MARCHF8: variants seen among roughly 807,000 people sequenced by gnomAD.
The protein encoded by MARCHF8 is membrane associated ring-CH-type finger 8.
Under a neutral mutation model 51.6 loss-of-function variants are expected in MARCHF8, and 40 were observed. The ratio of observed to expected loss-of-function variants is 0.77; its 90% CI spans 0.60 to 1.01. The LOEUF (loss-of-function observed/expected upper bound fraction) is 1.01, where lower values mean the gene tolerates loss of function less well. Among genes scored for constraint, MARCHF8 ranks in the 50% least tolerant of loss-of-function variants. The probability of loss-of-function intolerance (pLI) is 0.00; values close to 1 mark genes in which losing one functional copy is unlikely to be tolerated. For missense variants in MARCHF8, 685 were observed against 708.6 expected, an observed-to-expected ratio of 0.97 and a Z score of 0.38; for synonymous variants, 263 against 280.3, an observed-to-expected ratio of 0.94 and a Z score of 0.62.
At chr10:45,575,918 C>A (rs977395795) in intron 1 of MARCHF8, among the ~76,000 whole-genome samples, 23 of 152,136 alleles carry the variant, frequency 1.5e-4, no homozygotes, top group Non-Finnish European at 2.9e-5. Context: ...AAAGAACAAC[C>A]CGCTTTGACT....
At chr10:45,503,638 T>C (rs2043325091) in intron 2 of MARCHF8, among the ~76,000 whole-genome samples, 1 of 151,976 alleles carries the variant, frequency 6.6e-6, no homozygotes, top group African/African-American at 2.4e-5. Flanking sequence ...GTTTCATTGA[T>C]ACAGGTAGTG....
chr10:45,540,286 C>G (rs940626403), upstream of MARCHF8, among the ~76,000 whole-genome samples: 6 of 152,190 alleles, frequency 3.9e-5, no homozygotes, highest in African/African-American at 1.4e-4. Flanking sequence ...CATCACACTA[C>G]CTGACTTCAA....
chr10:45,461,745 A>C, intron 5 of MARCHF8: 1 of 179,404 alleles, frequency 5.6e-6, no homozygotes. Flanking sequence ...AGAACATAAG[A>C]TGGTAAAATA....
intron 1 of MARCHF8, among the ~76,000 whole-genome samples, chr10:45,551,837 C>T (rs2133340358): frequency 7.0e-6 from 1 of 143,188 alleles, no homozygotes; most frequent in South Asian, 2.1e-4. Context: ...ATAGGTATAT[C>T]TGTACACACA....
intron 5 of MARCHF8, among the ~76,000 whole-genome samples, chr10:45,462,680 C>A (rs1842828551): frequency 6.6e-6 from 1 of 151,018 alleles, no homozygotes; most frequent in African/African-American, 2.4e-5. Flanking sequence ...GGCTGGAGTG[C>A]AATGGCGCAA....
chr10:45,592,282 G>A (rs1231767714), intron 1 of MARCHF8, among the ~76,000 whole-genome samples: 1 of 152,142 alleles, frequency 6.6e-6, no homozygotes, highest in Admixed American at 6.5e-5. Context: ...ACAACAGTCA[G>A]ATAAAATATA....
chr10:45,505,265 T>C (rs2043358858), intron 2 of MARCHF8, among the ~76,000 whole-genome samples: 1 of 152,166 alleles, frequency 6.6e-6, no homozygotes, highest in South Asian at 2.1e-4. Flanking sequence ...CAGCATTGAC[T>C]TTCAGTAGGA....
At chr10:45,548,793 G>A (rs1031051443) in intron 1 of MARCHF8, among the ~76,000 whole-genome samples, 2 of 151,900 alleles carry the variant, frequency 1.3e-5, no homozygotes, top group African/African-American at 2.4e-5. Flanking sequence ...TCAGGAGTTC[G>A]TGACCAGCCT....
upstream of MARCHF8, among the ~76,000 whole-genome samples, chr10:45,539,696 A>G (rs1024324041): frequency 2.6e-5 from 4 of 152,220 alleles, no homozygotes; most frequent in Non-Finnish European, 5.9e-5. Context: ...AAACACCTCT[A>G]TGCAAATAAA....
At chr10:45,568,505 G>T (rs1414629267) in intron 1 of MARCHF8, among the ~76,000 whole-genome samples, 2 of 152,062 alleles carry the variant, frequency 1.3e-5, no homozygotes, top group African/African-American at 2.4e-5. Context: ...CAGATCACGA[G>T]GTCAAGAGAT....
intron 2 of MARCHF8, among the ~76,000 whole-genome samples, chr10:45,501,459 G>A (rs1436698454): frequency 6.6e-6 from 1 of 152,094 alleles, no homozygotes; most frequent in Middle Eastern, 3.2e-3. Context: ...ACAAAGCAAT[G>A]AACTTTGACT....
chr10:45,530,598 A>G (rs1450901486), intron 2 of MARCHF8, among the ~76,000 whole-genome samples: 1 of 152,146 alleles, frequency 6.6e-6, no homozygotes, highest in Non-Finnish European at 1.5e-5. Flanking sequence ...CCTGGGCAAT[A>G]GCAAGACCCC....
chr10:45,530,502 C>A (rs1001078319), intron 2 of MARCHF8, among the ~76,000 whole-genome samples: 4 of 152,140 alleles, frequency 2.6e-5, no homozygotes, highest in Non-Finnish European at 5.9e-5. Flanking sequence ...TGAAACTGGG[C>A]CAGGTGCAGT....
chr10:45,585,469 A>G (rs1372185951), intron 1 of MARCHF8, among the ~76,000 whole-genome samples: 1 of 152,248 alleles, frequency 6.6e-6, no homozygotes, highest in Admixed American at 6.5e-5. Flanking sequence ...AAAAAAGCAA[A>G]TGAAAGAAGT....
chr10:45,459,293 G>C (rs781700601), intron 6 of MARCHF8, 26 bp from the exon 7 acceptor site: 1 of 1,610,328 alleles, frequency 6.2e-7, no homozygotes, highest in South Asian at 1.1e-5. Context: ...AGAGTGTGAG[G>C]CTCAGGCTTC....
intron 1 of MARCHF8, among the ~76,000 whole-genome samples, chr10:45,566,592 A>C (rs989145515): frequency 1.3e-5 from 2 of 152,112 alleles, no homozygotes; most frequent in Non-Finnish European, 2.9e-5. Flanking sequence ...ATTGCTGCAA[A>C]TGACTGGATC....
chr10:45,581,293 G>A (rs1018466760), intron 1 of MARCHF8, among the ~76,000 whole-genome samples: 1 of 152,108 alleles, frequency 6.6e-6, no homozygotes, highest in Non-Finnish European at 1.5e-5. Flanking sequence ...AACCCCAACT[G>A]TCAGCAGAGC....
rs1476624896 is a variant in MARCHF8 at position 45,560,875 on chromosome 10, C to T, written c.-78-27586G>A. On this transcript the variant is annotated intron_variant, in intron 1 of 6. Coordinates refer to the MARCHF8 transcript ENST00000319836. The stretch of plus-strand genomic sequence containing the variant: ...ATAAACACTTTATTCTTAAAGAACA[C>T]TGATGTGAGTTTCTGTTCCTTAAAA... Among the ~76,000 whole-genome samples the T allele has an allele frequency of 7.2e-5, 11 of 152,268 alleles. No homozygotes were observed. In the East Asian group the frequency reaches 1.9e-3, roughly 27 times the overall value.
chr10:45,584,126 C>CAT (rs55978063), intron 1 of MARCHF8, among the ~76,000 whole-genome samples: 5,150 of 84,824 alleles, frequency 0.061, 201 homozygotes, highest in Non-Finnish European at 0.068. Context: ...TATATACAAT[C>CAT]ATATATATAT....
Sources: allele counts gnomAD v4.1 joint callset (sites outside exome capture counted in the v4.1 genomes callset), GRCh38; gene constraint gnomAD v4.1.1; transcripts MANE v1.5; gene names NCBI Gene and HGNC (gene_info 2026-07-23, HGNC 2026-07-21).